PDXDC1: variants seen among roughly 807,000 people sequenced by gnomAD.
PDXDC1 encodes pyridoxal dependent decarboxylase domain containing 1, also known as pyridoxal-dependent decarboxylase domain-containing protein 1.
A neutral mutation model predicts 100.1 loss-of-function variants in PDXDC1; 42 were observed. The ratio of observed to expected loss-of-function variants is 0.42; its 90% CI spans 0.33 to 0.54. The LOEUF (loss-of-function observed/expected upper bound fraction) is 0.54. Among genes scored for constraint, PDXDC1 ranks in the 20% least tolerant of loss-of-function variants. The pLI is 0.10. For synonymous variants in PDXDC1, 260 were observed against 371.7 expected (o/e 0.70, Z 3.46); for missense variants, 636 against 979.2 (o/e 0.65, Z 4.68).
intron 16 of PDXDC1, among the ~76,000 whole-genome samples, chr16:15,110,159 A>G (rs1214114349): frequency 1.3e-5 from 2 of 150,214 alleles, no homozygotes; most frequent in African/African-American, 2.4e-5. Context: ...AAAAAAAAAA[A>G]AAGAGAGAGA....
chr16:14,975,570 C>T (rs1966695499), intron 1 of PDXDC1: 2 of 985,364 alleles, frequency 2.0e-6, no homozygotes, highest in Non-Finnish European at 2.4e-6. Context: ...GGGAGCTCTC[C>T]GTTGGCGGCC....
intron 16 of PDXDC1, among the ~76,000 whole-genome samples, chr16:15,100,302 A>G (rs1366175988): frequency 2.6e-5 from 4 of 152,252 alleles, no homozygotes; most frequent in Non-Finnish European, 5.9e-5. Context: ...AATTATCTTT[A>G]TAAAAACTAC....
intron 16 of PDXDC1, among the ~76,000 whole-genome samples, chr16:15,085,336 T>TA (rs397726417): frequency 4.0e-5 from 6 of 151,840 alleles, no homozygotes; most frequent in Admixed American, 1.3e-4. Flanking sequence ...CTTTTTTTTT[T>TA]AAAGAAGACA....
intron 16 of PDXDC1, among the ~76,000 whole-genome samples, chr16:15,111,742 G>C (rs1386104081): frequency 9.7e-6 from 1 of 102,704 alleles, no homozygotes. Flanking sequence ...TGGTGACAGA[G>C]TGAGACTCCG....
chr16:15,039,893 A>T, downstream of PDXDC1: 4 of 812,216 alleles, frequency 4.9e-6, no homozygotes, highest in Non-Finnish European at 8.2e-6. Context: ...CTTTTCTAAG[A>T]TCCCAAAAAC....
intron 16 of PDXDC1, among the ~76,000 whole-genome samples, chr16:15,097,086 A>T (rs1424668776): frequency 6.6e-6 from 1 of 151,764 alleles, no homozygotes; most frequent in African/African-American, 2.4e-5. Flanking sequence ...ACACAGCCAG[A>T]CTCCGTCTCT....
chr16:15,090,957 T>C (rs1598013627), intron 16 of PDXDC1, among the ~76,000 whole-genome samples: 1 of 149,344 alleles, frequency 6.7e-6, no homozygotes, highest in African/African-American at 2.5e-5. Flanking sequence ...AGTAATCTAA[T>C]AGAAAGGAAG....
intron 12 of PDXDC1, among the ~76,000 whole-genome samples, chr16:15,019,465 A>G (rs1230508329): frequency 6.6e-5 from 10 of 152,288 alleles, no homozygotes; most frequent in South Asian, 2.1e-4. Flanking sequence ...TAATTATGCT[A>G]TATTTCAGTG....
At chr16:15,001,722 T>G in intron 3 of PDXDC1, 54 bp from the exon 4 acceptor site, 1 of 1,387,272 alleles carries the variant, frequency 7.2e-7, no homozygotes. Context: ...AGCGGGAGAG[T>G]GGCGGGGGAT....
chr16:14,991,436 G>C (rs1429383342), intron 1 of PDXDC1, among the ~76,000 whole-genome samples: 2 of 152,244 alleles, frequency 1.3e-5, no homozygotes, highest in African/African-American at 4.8e-5. Context: ...AAGTAGTTGG[G>C]ACTACAGGCG....
chr16:15,015,475 G>C (rs1267084625), intron 8 of PDXDC1, among the ~76,000 whole-genome samples: 1 of 152,138 alleles, frequency 6.6e-6, no homozygotes, highest in African/African-American at 2.4e-5. Flanking sequence ...CCAGCACTTT[G>C]GAAGGCCGAG....
intron 16 of PDXDC1, chr16:15,061,677 G>C: frequency 6.8e-7 from 1 of 1,471,268 alleles, no homozygotes; most frequent in Non-Finnish European, 9.4e-7. Context: ...GGCACAAGCT[G>C]GGTGCTGAGG....
At chr16:15,046,968 C>T (rs1414544007) in intron 16 of PDXDC1, among the ~76,000 whole-genome samples, 1 of 152,176 alleles carries the variant, frequency 6.6e-6, no homozygotes, top group African/African-American at 2.4e-5. Flanking sequence ...AGCCCCGCCT[C>T]ACCACCCAAC....
chr16:15,007,787 G>C (rs1261142670), intron 6 of PDXDC1, among the ~76,000 whole-genome samples: 1 of 152,292 alleles, frequency 6.6e-6, no homozygotes, highest in Admixed American at 6.5e-5. Flanking sequence ...CTGCAAGCCA[G>C]GCTCTTGCAG....
At chr16:15,124,708 T>C (rs1334472043) in intron 16 of PDXDC1, among the ~76,000 whole-genome samples, 2 of 146,884 alleles carry the variant, frequency 1.4e-5, no homozygotes, top group Admixed American at 1.4e-4. Flanking sequence ...GGAGGCAGAG[T>C]CTGCAGTGAG....
At chr16:15,141,233 C>G (rs1199102040), downstream of PDXDC1, among the ~76,000 whole-genome samples, 1 of 152,226 alleles carries the variant, frequency 6.6e-6, no homozygotes, top group East Asian at 1.9e-4. Context: ...GCAGGAGAGA[C>G]GCACACACAG....
intron 16 of PDXDC1, among the ~76,000 whole-genome samples, chr16:15,126,251 G>T (rs2047719501): frequency 6.8e-6 from 1 of 146,376 alleles, no homozygotes. Flanking sequence ...GGCCAGGCTG[G>T]TCTTGGAACT....
At chr16:15,027,130 T>G in intron 14 of PDXDC1, among the ~76,000 whole-genome samples, 1 of 152,296 alleles carries the variant, frequency 6.6e-6, no homozygotes. Context: ...CCTCTGACTT[T>G]CATACATTCT....
intron 8 of PDXDC1, among the ~76,000 whole-genome samples, chr16:15,011,201 CTG>C (rs1429881379): frequency 2.0e-5 from 3 of 152,284 alleles, no homozygotes; most frequent in Non-Finnish European, 2.9e-5. Context: ...GCAAGTAAGA[CTG>C]TGTGAGATTA....
Sources: gnomAD v4.1 joint callset for allele counts (sites outside exome capture counted in the v4.1 genomes callset) on GRCh38, gnomAD v4.1.1 for gene constraint, MANE v1.5 for transcripts, NCBI Gene and HGNC (gene_info 2026-07-23, HGNC 2026-07-21) for gene names.